CPEB3: variants seen among roughly 807,000 people sequenced by gnomAD.
CPEB3 encodes cytoplasmic polyadenylation element binding protein 3, also known as cytoplasmic polyadenylation element-binding protein 3.
Under a neutral mutation model 67.2 loss-of-function variants are expected in CPEB3, and 20 were observed. The ratio of observed to expected loss-of-function variants is 0.30; its 90% CI spans 0.21 to 0.43. CPEB3 has a LOEUF of 0.43. Ranked by LOEUF, CPEB3 falls within the 20% of genes least tolerant of loss-of-function variation. CPEB3 has a pLI of 1.00. For missense variants in CPEB3, 746 were observed against 968.6 expected (o/e 0.77, Z 3.05); for synonymous variants, 376 against 393.1 (o/e 0.96, Z 0.51).
chr10:92,155,826 CAAAT>C (rs1017339171), intron 4 of CPEB3, among the ~76,000 whole-genome samples: 1 of 151,950 alleles, frequency 6.6e-6, no homozygotes, highest in African/African-American at 2.4e-5. Flanking sequence ...ATCAACCTCA[CAAAT>C]AGATATGGAG....
intron 2 of CPEB3, among the ~76,000 whole-genome samples, chr10:92,234,425 T>C (rs1053335779): frequency 1.3e-5 from 2 of 152,218 alleles, no homozygotes; most frequent in Non-Finnish European, 2.9e-5. Context: ...CAAAATTTTT[T>C]AAAAACACAG....
intron 4 of CPEB3, among the ~76,000 whole-genome samples, chr10:92,153,739 C>T (rs924151843): frequency 5.3e-5 from 8 of 152,154 alleles, no homozygotes; most frequent in Admixed American, 3.9e-4. Flanking sequence ...CAAGATTGCA[C>T]CACTGCACTC....
intron 4 of CPEB3, among the ~76,000 whole-genome samples, chr10:92,147,749 A>T (rs1935866): frequency 0.013 from 2,031 of 152,168 alleles, 47 homozygotes; most frequent in African/African-American, 0.047. Flanking sequence ...TTTTCACAGG[A>T]GGGCAATTTT....
At chr10:92,186,731 G>A (rs1287905944) in intron 3 of CPEB3, among the ~76,000 whole-genome samples, 2 of 152,084 alleles carry the variant, frequency 1.3e-5, no homozygotes. Flanking sequence ...CACCATGCCT[G>A]GCCGCTAAAA....
rs192698670 is a variant in CPEB3, at chr10:92,177,095, C to G, written c.1222+3868G>C. On this transcript the variant is annotated intron_variant, in intron 4 of 9. Transcript: ENST00000265997. The stretch of plus-strand genomic sequence containing the variant: ...AAAAAAGAAAAAGAAAAAGGAAACA[C>G]AAGCTACTATTAGTATTAGAAAAAT... Among the ~76,000 whole-genome samples the G allele has an allele frequency of 2.6e-5, 4 of 152,350 alleles. No homozygotes were observed. In the East Asian group the frequency reaches 7.7e-4, roughly 29 times the overall value.
At chr10:92,145,248 G>T in intron 4 of CPEB3, 163 bp from the exon 5 acceptor site, 1 of 687,852 alleles carries the variant, frequency 1.5e-6, no homozygotes, top group Non-Finnish European at 2.4e-6. Flanking sequence ...AGATTAACAG[G>T]ACTGAATATT....
intron 6 of CPEB3, among the ~76,000 whole-genome samples, chr10:92,133,939 C>A (rs1485099803): frequency 6.6e-6 from 1 of 152,172 alleles, no homozygotes. Context: ...TCAATAGATG[C>A]AGGAAAGGCC....
chr10:92,276,468 G>A (rs1370214975), intron 1 of CPEB3, among the ~76,000 whole-genome samples: 2 of 151,452 alleles, frequency 1.3e-5, no homozygotes, highest in African/African-American at 4.9e-5. Flanking sequence ...TAGTAGAGAT[G>A]AGGTTTCGCC....
rs58987766 is a variant in CPEB3 at position 92,058,552 on chromosome 10, AATACATAC to A, written c.1870-6121_1870-6114del. On this transcript the variant is annotated intron_variant, in intron 9 of 9. Coordinates refer to ENST00000265997, the MANE Select transcript of CPEB3 (RefSeq NM_014912.5). ...CGACAGAACAAGACTCCATCTCAAA[AATACATAC>A]ATACATACATACATACATACATACA... 1.4e-3 allele frequency among the ~76,000 whole-genome samples: 193 copies of A among 138,688 alleles called. 2 individuals are homozygous for A. The highest frequency in any genetic ancestry group is 3.2e-3 in the African/African-American group (122 of 37,586). 91.0% of individuals were successfully genotyped at this position (138,688 alleles called of 152,430 possible). A position where few individuals can be genotyped will look rare whatever the true frequency, so the allele number is the denominator to read the frequency against.
In CPEB3 at chr10:92,226,454, C is replaced by T. The variant is rs534799860; in HGVS notation, c.1005+12892G>A. 3.9e-5 allele frequency among the ~76,000 whole-genome samples: 6 copies of T among 152,314 alleles called. No individual in the cohort carries two copies. In the South Asian group the frequency reaches 6.2e-4, roughly 16 times the overall value. On this transcript the variant is annotated intron_variant, in intron 2 of 9. Transcript: ENST00000265997. Reference sequence around the variant, plus strand: ...AGAAACCAGCTAAACGTTTTAATTACTCACACTGGTAGCTACATGTAAATG... The same window carrying T: ...AGAAACCAGCTAAACGTTTTAATTATTCACACTGGTAGCTACATGTAAATG...
At chr10:92,097,988 C>A (rs1843961329) in intron 7 of CPEB3, among the ~76,000 whole-genome samples, 1 of 151,220 alleles carries the variant, frequency 6.6e-6, no homozygotes, top group African/African-American at 2.4e-5. Context: ...ATGGTGAAAC[C>A]CCGTATCTAC....
intron 6 of CPEB3, among the ~76,000 whole-genome samples, chr10:92,125,176 C>T (rs921518698): frequency 6.6e-6 from 1 of 152,224 alleles, no homozygotes; most frequent in Non-Finnish European, 1.5e-5. Flanking sequence ...CATTAGTGCA[C>T]AAGGGTTTGG....
chr10:92,142,823 TCG>T lies in CPEB3; in HGVS notation c.1453+204_1453+205del, dbSNP rs1472236484. Reference sequence around the variant, plus strand: ...TTCCAGGGTCTCACTGTCAATAAAATCGGTGCCATGAAACAATCAGTGTGCTT... The same window carrying T: ...TTCCAGGGTCTCACTGTCAATAAAATGTGCCATGAAACAATCAGTGTGCTT... On this transcript the variant is annotated intron_variant, in intron 6 of 9. Transcript: ENST00000265997. 4.6e-3 allele frequency among the ~76,000 whole-genome samples: 700 copies of T among 152,238 alleles called. 8 individuals carry two copies. Among genetic ancestry groups the T allele is most frequent in the Middle Eastern group, 0.031 (9 of 294 alleles).
At chr10:92,135,953 T>C (rs1176246667) in intron 6 of CPEB3, among the ~76,000 whole-genome samples, 1 of 151,146 alleles carries the variant, frequency 6.6e-6, no homozygotes, top group Non-Finnish European at 1.5e-5. Context: ...TAGGTGGGAA[T>C]TGAACAATGA....
intron 1 of CPEB3, among the ~76,000 whole-genome samples, chr10:92,267,965 C>T (rs183920664): frequency 1.2e-4 from 18 of 152,142 alleles, no homozygotes; most frequent in Non-Finnish European, 1.8e-4. Flanking sequence ...ACTACAGGCA[C>T]GCACCACAAT....
chr10:92,110,698 C>T (rs766113126), intron 7 of CPEB3, among the ~76,000 whole-genome samples: 3 of 152,228 alleles, frequency 2.0e-5, no homozygotes, highest in Non-Finnish European at 4.4e-5. Context: ...GGCACATAAA[C>T]ATCAACAATT....
chr10:92,081,928 C>A (rs1843167762), intron 8 of CPEB3, among the ~76,000 whole-genome samples: 1 of 152,170 alleles, frequency 6.6e-6, no homozygotes, highest in Non-Finnish European at 1.5e-5. Context: ...TGTCACACTA[C>A]TATATTAGGA....
At chr10:92,121,310 C>A (rs1211939096) in intron 6 of CPEB3, among the ~76,000 whole-genome samples, 1 of 149,250 alleles carries the variant, frequency 6.7e-6, no homozygotes, top group Non-Finnish European at 1.5e-5. Context: ...GCCCGGTCTA[C>A]AACTTACTCT....
At chr10:92,052,936 T>C (rs1298808424) in intron 9 of CPEB3, among the ~76,000 whole-genome samples, 1 of 152,140 alleles carries the variant, frequency 6.6e-6, no homozygotes, top group Non-Finnish European at 1.5e-5. Context: ...CCTTGGGAGA[T>C]GCTGTAGCTG....
Sources: allele counts gnomAD v4.1 joint callset (sites outside exome capture counted in the v4.1 genomes callset), GRCh38; gene constraint gnomAD v4.1.1; transcripts MANE v1.5; gene names NCBI Gene and HGNC (gene_info 2026-07-23, HGNC 2026-07-21).